TCF12: variants seen among roughly 807,000 people sequenced by gnomAD.
TCF12 encodes the protein DNA-binding protein HTF4.
In TCF12, 45 loss-of-function variants were observed where a neutral mutation model predicts 86.0. The observed-to-expected ratio is 0.52, with a 90% confidence interval of 0.41 to 0.67. The LOEUF is 0.67. Ranked by LOEUF, TCF12 falls within the 30% of genes least tolerant of loss-of-function variation. The pLI, the probability that TCF12 is intolerant of heterozygous loss-of-function variation, is 0.00. For missense variants in TCF12, 881 were observed against 859.9 expected, an observed-to-expected ratio of 1.02 and a Z score of -0.31; for synonymous variants, 330 against 299.6, an observed-to-expected ratio of 1.10 and a Z score of -1.05.
intron 3 of TCF12, among the ~76,000 whole-genome samples, chr15:57,051,324 G>A (rs1006677883): frequency 2.0e-5 from 3 of 152,138 alleles, no homozygotes; most frequent in Middle Eastern, 3.2e-3. Context: ...TCTTCCTCAC[G>A]TTTATGTTGA....
chr15:57,004,419 AT>A (rs1306645033), intron 3 of TCF12, among the ~76,000 whole-genome samples: 9 of 149,838 alleles, frequency 6.0e-5, no homozygotes, highest in African/African-American at 2.2e-4. Flanking sequence ...TTTATTTTTT[AT>A]TTTTTTGAGG....
At chr15:57,067,727 A>T (rs1019572515) in intron 4 of TCF12, among the ~76,000 whole-genome samples, 1 of 152,106 alleles carries the variant, frequency 6.6e-6, no homozygotes, top group Non-Finnish European at 1.5e-5. Context: ...TGCACTCTTC[A>T]TCTGCTGTCT....
chr15:57,023,146 A>T (rs1250120120), intron 3 of TCF12, among the ~76,000 whole-genome samples: 1 of 152,196 alleles, frequency 6.6e-6, no homozygotes, highest in Non-Finnish European at 1.5e-5. Flanking sequence ...ATCCTAGACA[A>T]CATCTCCAGT....
intron 3 of TCF12, among the ~76,000 whole-genome samples, chr15:56,950,881 C>T (rs923499124): frequency 6.6e-6 from 1 of 150,854 alleles, no homozygotes; most frequent in East Asian, 2.0e-4. Flanking sequence ...CTCAGCCTCC[C>T]GAGTAGCTGG....
chr15:57,155,100 G>A (rs1484795071), intron 5 of TCF12, among the ~76,000 whole-genome samples: 1 of 152,086 alleles, frequency 6.6e-6, no homozygotes, highest in African/African-American at 2.4e-5. Context: ...ATTTAAACCT[G>A]GTTAGTCTAC....
chr15:57,031,235 CAAGTG>C (rs1954103857), intron 3 of TCF12, among the ~76,000 whole-genome samples: 1 of 152,114 alleles, frequency 6.6e-6, no homozygotes, highest in Admixed American at 6.6e-5. Context: ...TGGCTCCTGT[CAAGTG>C]ATTGCTAAGG....
intron 3 of TCF12, among the ~76,000 whole-genome samples, chr15:56,949,785 G>T (rs558497405): frequency 6.6e-6 from 1 of 152,268 alleles, no homozygotes; most frequent in South Asian, 2.1e-4. Context: ...ATACAACCTG[G>T]AAAGTTCTTT....
intron 3 of TCF12, among the ~76,000 whole-genome samples, chr15:57,029,230 C>T (rs897984768): frequency 3.9e-5 from 6 of 151,978 alleles, no homozygotes; most frequent in African/African-American, 1.5e-4. Context: ...ACTATCATGT[C>T]TTCATTGAAT....
At chr15:56,958,950 A>AT in intron 3 of TCF12, among the ~76,000 whole-genome samples, 1 of 152,306 alleles carries the variant, frequency 6.6e-6, no homozygotes, top group Admixed American at 6.5e-5. Context: ...GTGAAACTGG[A>AT]AATGAGTTTC....
chr15:57,183,458 T>C (rs1245470622), intron 6 of TCF12, among the ~76,000 whole-genome samples: 1 of 152,166 alleles, frequency 6.6e-6, no homozygotes, highest in Admixed American at 6.5e-5. Context: ...TCTCTAGGGA[T>C]CTGTCATTTC....
intron 3 of TCF12, among the ~76,000 whole-genome samples, chr15:57,055,187 G>T (rs1030213373): frequency 2.0e-5 from 3 of 152,006 alleles, no homozygotes; most frequent in Non-Finnish European, 4.4e-5. Context: ...AATCAAGCCG[G>T]GGTCAGGAGT....
In TCF12 at chr15:57,251,416, A is replaced by G; in HGVS notation, c.1181A>G (p.His394Arg). Residue 394 changes from histidine to arginine, a missense_variant, in exon 14 of 21, where the codon CAC (histidine) becomes CGC (arginine). Coordinates refer to ENST00000333725, the MANE Select transcript of TCF12 (RefSeq NM_207037.2). ...TCCCCAAGCTATGAAAACTCACTCCACTCCCTGGTAAGAGCCTCTTATACA... is the reference window on the plus strand; with the variant it reads ...TCCCCAAGCTATGAAAACTCACTCCGCTCCCTGGTAAGAGCCTCTTATACA... Reference protein sequence around the residue: ...PSSPSYENSLHSLKNRVEQQL... With the variant: ...PSSPSYENSLRSLKNRVEQQL... The G allele has an allele frequency of 6.2e-7, 1 of 1,613,444 alleles. No individual in the cohort carries two copies. Among genetic ancestry groups the G allele is most frequent in the Non-Finnish European group, 8.5e-7 (1 of 1,179,768 alleles).
intron 3 of TCF12, among the ~76,000 whole-genome samples, chr15:57,032,973 C>G (rs1596225043): frequency 6.6e-6 from 1 of 151,928 alleles, no homozygotes; most frequent in Non-Finnish European, 1.5e-5. Context: ...ACTAAAGTAT[C>G]AACAAAGAAG....
chr15:57,054,802 T>G (rs936813047), intron 3 of TCF12, among the ~76,000 whole-genome samples: 1 of 118,388 alleles, frequency 8.4e-6, no homozygotes, highest in Non-Finnish European at 1.8e-5. Context: ...TTTTTTTTTT[T>G]GGTAGCGTCT....
intron 6 of TCF12, among the ~76,000 whole-genome samples, chr15:57,179,676 T>C (rs74378325): frequency 0.045 from 6,908 of 152,232 alleles, 461 homozygotes; most frequent in African/African-American, 0.15. Context: ...ATTATAAAAT[T>C]TGGGATTTGT....
chr15:57,216,636 AT>A (rs1214471604), intron 8 of TCF12, among the ~76,000 whole-genome samples: 3 of 151,596 alleles, frequency 2.0e-5, no homozygotes, highest in East Asian at 1.9e-4. Context: ...ATCTATATGC[AT>A]TTTTTTCCTG....
chr15:56,922,604 A>G (rs2059841942), intron 3 of TCF12, among the ~76,000 whole-genome samples: 1 of 151,992 alleles, frequency 6.6e-6, no homozygotes, highest in Non-Finnish European at 1.5e-5. Context: ...TGGTCACCAT[A>G]TTTGATTATT....
intron 7 of TCF12, among the ~76,000 whole-genome samples, chr15:57,196,666 C>T (rs2151736898): frequency 6.6e-6 from 1 of 152,248 alleles, no homozygotes; most frequent in East Asian, 1.9e-4. Context: ...AAAATTAACT[C>T]ATCAAGTGAG....
intron 3 of TCF12, among the ~76,000 whole-genome samples, chr15:57,040,484 A>G (rs1360918904): frequency 1.3e-5 from 2 of 152,218 alleles, no homozygotes; most frequent in Admixed American, 1.3e-4. Context: ...TTGGCTGAAT[A>G]GTAGGAGTTT....
Sources: gnomAD v4.1 joint callset for allele counts (sites outside exome capture counted in the v4.1 genomes callset) on GRCh38, gnomAD v4.1.1 for gene constraint, MANE v1.5 for transcripts, NCBI Gene and HGNC (gene_info 2026-07-23, HGNC 2026-07-21) for gene names.